TFEC: variants seen among roughly 807,000 people sequenced by gnomAD.
The protein encoded by TFEC is class E basic helix-loop-helix protein 34.
In TFEC, 31 loss-of-function variants were observed where a neutral mutation model predicts 41.6. The ratio of observed to expected loss-of-function variants is 0.74; its 90% CI spans 0.56 to 1.01. The LOEUF (loss-of-function observed/expected upper bound fraction) is 1.01. Among genes scored for constraint, TFEC ranks in the 50% least tolerant of loss-of-function variants. The probability of loss-of-function intolerance (pLI) is 0.00; values close to 1 mark genes in which losing one functional copy is unlikely to be tolerated. For synonymous variants in TFEC, 143 were observed against 140.6 expected, an observed-to-expected ratio of 1.02 and a Z score of -0.12; for missense variants, 402 against 404.1, an observed-to-expected ratio of 0.99 and a Z score of 0.04.
intron 7 of TFEC, chr7:115,941,544 G>T (rs1178837123): frequency 7.6e-6 from 2 of 264,600 alleles, no homozygotes; most frequent in Non-Finnish European, 1.4e-5. Context: ...ATTTGATTAG[G>T]ATAATAATGT....
chr7:116,029,375 C>G (rs554742740), intron 1 of TFEC, among the ~76,000 whole-genome samples: 3 of 152,124 alleles, frequency 2.0e-5, no homozygotes, highest in African/African-American at 7.2e-5. Context: ...CACTGCTACA[C>G]TCAGATTCAT....
intron 2 of TFEC, among the ~76,000 whole-genome samples, chr7:115,982,587 A>G (rs1793676592): frequency 6.6e-6 from 1 of 152,246 alleles, no homozygotes; most frequent in South Asian, 2.1e-4. Context: ...AACTGTGATT[A>G]AATGGACATT....
At chr7:115,968,425 G>A in intron 3 of TFEC, 2 of 787,440 alleles carry the variant, frequency 2.5e-6, no homozygotes, top group Non-Finnish European at 3.6e-6. Flanking sequence ...AAGCACAGGG[G>A]GTTGTTAATA....
chr7:115,975,549 A>G (rs1259326363), intron 2 of TFEC, among the ~76,000 whole-genome samples: 1 of 152,154 alleles, frequency 6.6e-6, no homozygotes, highest in Non-Finnish European at 1.5e-5. Context: ...TAATTAAGCA[A>G]TGTTTACTGT....
intron 1 of TFEC, among the ~76,000 whole-genome samples, chr7:116,133,539 A>T (rs889522097): frequency 6.7e-6 from 1 of 148,658 alleles, no homozygotes; most frequent in Non-Finnish European, 1.5e-5. Flanking sequence ...CTGTCTCAGA[A>T]AAAAAAAAAA....
chr7:115,951,333 C>T (rs373643257), intron 5 of TFEC, among the ~76,000 whole-genome samples: 1 of 152,164 alleles, frequency 6.6e-6, no homozygotes, highest in South Asian at 2.1e-4. Context: ...ACACTCTTTA[C>T]TCTTCTCATA....
At chr7:116,023,645 G>A (rs1292972811) in intron 1 of TFEC, among the ~76,000 whole-genome samples, 2 of 152,070 alleles carry the variant, frequency 1.3e-5, no homozygotes, top group Non-Finnish European at 2.9e-5. Flanking sequence ...CTTGCCCTAG[G>A]TCAGTTCATC....
At chr7:116,092,892 C>T (rs534848620) in intron 3 of TFEC, among the ~76,000 whole-genome samples, 2 of 152,240 alleles carry the variant, frequency 1.3e-5, no homozygotes, top group South Asian at 2.1e-4. Context: ...CTGACCATTA[C>T]TTTAGGACTA....
At chr7:115,974,451 A>AATAT (rs1793292851) in intron 2 of TFEC, among the ~76,000 whole-genome samples, 195 bp from the exon 3 acceptor site, 1 of 26,392 alleles carries the variant, frequency 3.8e-5, no homozygotes, top group African/African-American at 1.4e-4. Flanking sequence ...TATATATATA[A>AATAT]AAACACAGAT....
intron 2 of TFEC, among the ~76,000 whole-genome samples, chr7:115,974,833 T>C (rs1010937305): frequency 7.2e-5 from 11 of 151,862 alleles, no homozygotes; most frequent in Non-Finnish European, 1.3e-4. Context: ...GTAATAGCAA[T>C]AGCAATAACA....
chr7:116,104,169 C>CA (rs1166754667), intron 3 of TFEC, among the ~76,000 whole-genome samples: 3 of 152,174 alleles, frequency 2.0e-5, no homozygotes, highest in Non-Finnish European at 4.4e-5. Context: ...AAAATCAAGA[C>CA]AGACCCAGAA....
At chr7:116,156,327 C>T (rs1344160340) in intron 1 of TFEC, among the ~76,000 whole-genome samples, 1 of 152,172 alleles carries the variant, frequency 6.6e-6, no homozygotes, top group Non-Finnish European at 1.5e-5. Context: ...ATTTCTGAAA[C>T]ATTTGTCTCT....
chr7:115,954,534 C>T (rs374664314), intron 5 of TFEC, 52 bp downstream of exon 5: 5 of 1,497,878 alleles, frequency 3.3e-6, no homozygotes, highest in Non-Finnish European at 3.7e-6. Context: ...CACACCTTAA[C>T]CTCTATGCAT....
chr7:115,944,521 C>T (rs1584550877), intron 6 of TFEC, among the ~76,000 whole-genome samples: 1 of 151,506 alleles, frequency 6.6e-6, no homozygotes, highest in East Asian at 2.0e-4. Flanking sequence ...CCATTTTGAC[C>T]TGCAAAGAAA....
Position 116,115,185 on chromosome 7 carries a change from A to T in TFEC, c.-68-3147T>A, listed in dbSNP as rs141688875. On this transcript the variant is annotated intron_variant, in intron 1 of 8. Transcript: ENST00000484212. Reference sequence around the variant, plus strand: ...ATAATACTCATCACAGAAGTAATTCAGGCTCTTTAGACCTCAGTTATTTCT... The same window carrying T: ...ATAATACTCATCACAGAAGTAATTCTGGCTCTTTAGACCTCAGTTATTTCT... 1.6e-3 allele frequency among the ~76,000 whole-genome samples: 249 copies of T among 152,150 alleles called. 1 individual carries two copies. The highest frequency in any genetic ancestry group is 5.8e-3 in the African/African-American group (239 of 41,558).
At chr7:115,941,140 T>A in intron 7 of TFEC, 1 of 532,428 alleles carries the variant, frequency 1.9e-6, no homozygotes, top group Non-Finnish European at 3.2e-6. Flanking sequence ...GACTTTTTTT[T>A]AAGTTTGGTC....
In TFEC at chr7:115,967,632, A is replaced by G. The variant is rs1010986073; in HGVS notation, c.267+6538T>C. On this transcript the variant is annotated intron_variant, in intron 3 of 7. Coordinates refer to ENST00000265440, the MANE Select transcript of TFEC (RefSeq NM_012252.4). ...CTGAATAGAGAAATCCCACTGTGTT[A>G]TTGCTGTTATTATTTTTGTCCTATT... Among the ~76,000 whole-genome samples the G allele has an allele frequency of 2.0e-5, 3 of 151,752 alleles. No individual in the cohort carries two copies. In the East Asian group the frequency reaches 5.8e-4, roughly 30 times the overall value.
intron 3 of TFEC, among the ~76,000 whole-genome samples, chr7:116,056,791 A>G (rs1023588787): frequency 3.9e-5 from 6 of 152,132 alleles, no homozygotes; most frequent in Non-Finnish European, 8.8e-5. Context: ...GATATCTGGC[A>G]TCCAATAAAA....
At chr7:115,961,809 G>A (rs1340225023) in intron 3 of TFEC, among the ~76,000 whole-genome samples, 1 of 151,640 alleles carries the variant, frequency 6.6e-6, no homozygotes, top group Non-Finnish European at 1.5e-5. Context: ...AAATTTAGGT[G>A]AGAATAACCA....
Sources: gnomAD v4.1 joint callset for allele counts (sites outside exome capture counted in the v4.1 genomes callset) on GRCh38, gnomAD v4.1.1 for gene constraint, MANE v1.5 for transcripts, NCBI Gene and HGNC (gene_info 2026-07-23, HGNC 2026-07-21) for gene names.